Variants in NECAB2 observed in about 807,000 individuals in gnomAD.
The protein encoded by NECAB2 is N-terminal EF-hand calcium-binding protein 2.
NECAB2 carries 68 observed loss-of-function variants against 51.9 expected under a neutral mutation model. That is an observed-to-expected ratio of 1.31 (90% confidence interval 1.08 to 1.60). NECAB2 has a LOEUF of 1.60. NECAB2 is among the 40% of genes most tolerant of loss of function. The pLI, the probability that NECAB2 is intolerant of heterozygous loss-of-function variation, is 0.00. For missense variants in NECAB2, 854 were observed against 490.3 expected (o/e 1.74, Z -7.00); for synonymous variants, 329 against 203.5 (o/e 1.62, Z -5.25).
intron 8 of NECAB2, among the ~76,000 whole-genome samples, chr16:83,995,737 C>A (rs993540586): frequency 6.6e-6 from 1 of 152,162 alleles, no homozygotes; most frequent in South Asian, 2.1e-4. Flanking sequence ...AAGGGGCTCC[C>A]CGCATGGAGG....
intron 6 of NECAB2, among the ~76,000 whole-genome samples, chr16:83,991,581 G>T (rs2084626260): frequency 6.6e-6 from 1 of 151,580 alleles, no homozygotes; most frequent in South Asian, 2.1e-4. Context: ...TGGCCAGGCT[G>T]GTCTTTAGGG....
intron 10 of NECAB2, among the ~76,000 whole-genome samples, chr16:84,000,128 G>A (rs1027914135): frequency 3.3e-5 from 5 of 151,914 alleles, no homozygotes; most frequent in South Asian, 2.1e-4. Context: ...CTGACCTCAC[G>A]TAATCCACCT....
rs1430644654 is a variant in NECAB2 at position 84,000,710 on chromosome 16, A to G, written c.963-14A>G. ...GAGCTCCAGCCTCCTCCCCCCGACCATCTCCTGTTGCAGCATCACTGCCGT... is the reference window on the plus strand; with the variant it reads ...GAGCTCCAGCCTCCTCCCCCCGACCGTCTCCTGTTGCAGCATCACTGCCGT... On this transcript the variant is annotated splice_polypyrimidine_tract_variant and intron_variant, in intron 10 of 12. Coordinates refer to ENST00000305202, the MANE Select transcript of NECAB2 (RefSeq NM_019065.3). 5.0e-6 allele frequency: 8 copies of G among 1,613,514 alleles called. 1 individual carries two copies. The South Asian group carries it at 6.6e-5, about 13-fold the overall frequency.
intron 8 of NECAB2, among the ~76,000 whole-genome samples, chr16:83,995,839 C>G (rs115142357): frequency 6.6e-6 from 1 of 152,334 alleles, no homozygotes; most frequent in South Asian, 2.1e-4. Context: ...TACCCCCTTC[C>G]TGAAGCCAGC....
upstream of NECAB2, chr16:83,965,325 GC>G (rs2084264163): frequency 8.9e-6 from 14 of 1,576,758 alleles, no homozygotes; most frequent in Non-Finnish European, 1.2e-5. Flanking sequence ...ACGTTCGACA[GC>G]CCGGCCCGGC....
chr16:83,970,515 G>A (rs1337225674), intron 1 of NECAB2, among the ~76,000 whole-genome samples: 2 of 152,160 alleles, frequency 1.3e-5, no homozygotes, highest in African/African-American at 4.8e-5. Flanking sequence ...TCACCGCCCA[G>A]GTGCCTAGAA....
intron 6 of NECAB2, chr16:83,993,411 C>T (rs72793621): frequency 0.13 from 20,174 of 153,348 alleles, 2,340 homozygotes; most frequent in African/African-American, 0.32. Context: ...TCACAAGAGA[C>T]AAATTCCAGA....
intron 10 of NECAB2, among the ~76,000 whole-genome samples, chr16:83,998,703 AGTCCAG>A (rs1436067103): frequency 6.6e-6 from 1 of 152,206 alleles, no homozygotes; most frequent in Non-Finnish European, 1.5e-5. Context: ...TGCACACTTA[AGTCCAG>A]GCCCAGAATG....
chr16:84,002,679 C>G lies in NECAB2; in HGVS notation c.*333C>G, dbSNP rs2151105983. The G allele has an allele frequency of 2.5e-6, 1 of 401,348 alleles. No individual in the cohort carries two copies. Among genetic ancestry groups the G allele is most frequent in the East Asian group, 4.8e-5 (1 of 20,966 alleles). 24.9% of individuals were successfully genotyped at this position (401,348 alleles called of 1,614,324 possible). The stretch of plus-strand genomic sequence containing the variant: ...GACCACACCCTGCCCTCTTCGGTGA[C>G]ATTCTTCTACCTAGTAGGAGTCATG... On this transcript the variant is annotated 3_prime_UTR_variant, in exon 13 of 13. Transcript: ENST00000305202.
At position 83,998,299 on chromosome 16, in the gene NECAB2, G is replaced by C. The variant is rs569171415; in HGVS notation, c.944G>C (p.Gly315Ala). The C allele has an allele frequency of 6.2e-7, 1 of 1,613,526 alleles. No homozygotes were observed. Among genetic ancestry groups the C allele is most frequent in the East Asian group, 2.2e-5 (1 of 44,876 alleles). Residue 315 changes from glycine to alanine, a missense_variant, in exon 10 of 13, where the codon GGC becomes GCC. Transcript: ENST00000305202. Reference sequence around the variant, plus strand: ...CGCCAGTATCTGCGGGGGACCACTGGCGTGAGGAACTGCTTCCAGTGAGTG... The same window carrying C: ...CGCCAGTATCTGCGGGGGACCACTGCCGTGAGGAACTGCTTCCAGTGAGTG... ...SLRQYLRGTT[G>A]VRNCFHITAV...
intron 2 of NECAB2, among the ~76,000 whole-genome samples, chr16:83,975,099 C>A (rs1306140362): frequency 1.1e-4 from 14 of 123,884 alleles, no homozygotes; most frequent in African/African-American, 4.3e-4. Context: ...AACAGGTGTG[C>A]AGGGATGAGA....
intron 10 of NECAB2, among the ~76,000 whole-genome samples, chr16:83,999,677 T>C (rs1336160578): frequency 1.3e-5 from 2 of 152,028 alleles, no homozygotes; most frequent in East Asian, 3.9e-4. Context: ...TCAGCACCTT[T>C]AAAATGACGT....
At chr16:83,965,351 G>A (rs975327391), upstream of NECAB2, 2 of 1,571,744 alleles carry the variant, frequency 1.3e-6, no homozygotes, top group Admixed American at 1.7e-5. Context: ...CATCCCCGGG[G>A]AGGCCCTGCC....
At chr16:83,984,852 G>A (rs766121199) in intron 5 of NECAB2, among the ~76,000 whole-genome samples, 14 of 152,058 alleles carry the variant, frequency 9.2e-5, no homozygotes, top group South Asian at 2.1e-4. Context: ...CAAATAACAA[G>A]CTCCTGGCAC....
chr16:83,985,089 G>C (rs867444818), intron 5 of NECAB2, among the ~76,000 whole-genome samples: 1 of 152,072 alleles, frequency 6.6e-6, no homozygotes, highest in African/African-American at 2.4e-5. Flanking sequence ...GGGGCGGGCA[G>C]ATCACCTGAG....
chr16:83,994,014 C>T (rs1354599542), intron 6 of NECAB2, among the ~76,000 whole-genome samples: 2 of 152,182 alleles, frequency 1.3e-5, no homozygotes, highest in Non-Finnish European at 2.9e-5. Context: ...GTCCCTGGCT[C>T]AGCCTCACTC....
At chr16:83,996,360 C>G (rs908296752) in intron 8 of NECAB2, among the ~76,000 whole-genome samples, 2 of 152,156 alleles carry the variant, frequency 1.3e-5, no homozygotes, top group East Asian at 3.8e-4. Flanking sequence ...ACTACAGAGC[C>G]CAGTGCAAAA....
chr16:83,993,542 C>T (rs1193640468), intron 6 of NECAB2: 2 of 154,028 alleles, frequency 1.3e-5, no homozygotes, highest in African/African-American at 4.8e-5. Context: ...TTTTCAGCAT[C>T]CTTTTGCATG....
chr16:83,982,258 C>A (rs13334678), intron 5 of NECAB2, among the ~76,000 whole-genome samples: 41,152 of 152,202 alleles, frequency 0.27, 10,406 homozygotes, highest in African/African-American at 0.68. Context: ...ATATATCTAA[C>A]AATAGTTGGG....
Sources: allele counts gnomAD v4.1 joint callset (sites outside exome capture counted in the v4.1 genomes callset), GRCh38; gene constraint gnomAD v4.1.1; transcripts MANE v1.5; gene names NCBI Gene and HGNC (gene_info 2026-07-23, HGNC 2026-07-21).